Variants in B4GALT7 observed in about 807,000 individuals in gnomAD.
The protein encoded by B4GALT7 is UDP-Gal:beta-GlcNAc beta-1,4-galactosyltransferase 7.
In B4GALT7, 30 loss-of-function variants were observed where a neutral mutation model predicts 33.0. The observed-to-expected ratio is 0.91, with a 90% CI of 0.68 to 1.23. B4GALT7 has a LOEUF of 1.23. Ranked by LOEUF, B4GALT7 falls within the 50% of genes most tolerant of loss-of-function variation. B4GALT7 has a pLI of 0.00. For synonymous variants in B4GALT7, 213 were observed against 187.2 expected (o/e 1.14, Z -1.13); for missense variants, 507 against 450.8 (o/e 1.12, Z -1.13).
chr5:177,604,193 C>G lies in B4GALT7; in HGVS notation c.65C>G (p.Ser22Cys), dbSNP rs1257503347. 1.9e-6 allele frequency: 3 copies of G among 1,613,564 alleles called. No homozygotes were observed. Among genetic ancestry groups the G allele is most frequent in the Non-Finnish European group, 1.7e-6 (2 of 1,179,946 alleles). ...PWEDGRSGLL[S>C]GGLPRKCSVF... is the part of the protein sequence containing the mutation. ...GCTTGCTCCAGGTCCGGGTTGCTCTCCGGCGGCCTCCCTCGGAAGTGTTCC... is the reference window on the plus strand; with the variant it reads ...GCTTGCTCCAGGTCCGGGTTGCTCTGCGGCGGCCTCCCTCGGAAGTGTTCC... The change falls in exon 2 of 6, where the codon TCC becomes TGC. Residue 22 changes from serine (S) to cysteine (C), a missense_variant. Ser to Cys is a moderately radical substitution (Grantham distance 112). Transcript: ENST00000029410.
chr5:177,603,296 C>T, intron 1 of B4GALT7: 2 of 985,350 alleles, frequency 2.0e-6, no homozygotes, highest in Non-Finnish European at 2.4e-6. Flanking sequence ...GAAGCTTCTC[C>T]CTTCATGGAT....
Position 177,604,256 on chromosome 5 carries a change from T to G in B4GALT7, c.128T>G (p.Phe43Cys), listed in dbSNP as rs370483831. The G allele has an allele frequency of 2.5e-5, 40 of 1,613,558 alleles. 1 individual carries two copies. The highest frequency in any genetic ancestry group is 8.3e-5 in the Admixed American group (5 of 59,970). Residue 43 changes from phenylalanine to cysteine, a missense_variant, in exon 2 of 6, where the codon TTC (phenylalanine) becomes TGC (cysteine). By Grantham distance (205) the Phe-to-Cys change is radical. Coordinates refer to ENST00000029410, the MANE Select transcript of B4GALT7 (RefSeq NM_007255.3). ...TTCGTGGCCTGCCTCTCGCTGGGCT[T>G]CTTCTCCCTACTCTGGCTGCAGCTC... Reference protein sequence around the residue: ...HLFVACLSLGFFSLLWLQLSC... With the variant: ...HLFVACLSLGCFSLLWLQLSC...
rs1768033604 is a variant in B4GALT7 at position 177,606,993 on chromosome 5, C to T, written c.414-309C>T. The T allele has an allele frequency of 2.4e-5, 11 of 449,774 alleles. No homozygotes were observed. Among genetic ancestry groups the T allele is most frequent in the South Asian group, 2.3e-4 (11 of 47,504 alleles). The allele number at this position is 449,774 out of a possible 1,614,324, so 27.9% of individuals were successfully genotyped here. A position where few individuals can be genotyped will look rare whatever the true frequency, so the allele number is the denominator to read the frequency against. The stretch of plus-strand genomic sequence containing the variant: ...GCCCTCCTTGCCTGCTTTGCTTTTC[C>T]CCCCAGCACGAACCACTGCTGGCCA... On this transcript the variant is annotated intron_variant, in intron 2 of 5. Transcript: ENST00000029410. This position sits in a 1 kb window ranked among gnomAD's most constrained non-coding sequence, Gnocchi z 4.2.
At chr5:177,607,640 C>A in intron 3 of B4GALT7, 113 bp downstream of exon 3, 1 of 1,068,774 alleles carries the variant, frequency 9.4e-7, no homozygotes, top group Non-Finnish European at 1.4e-6. Context: ...CCTGCCCTGG[C>A]CTAGCAGGAG....
At chr5:177,603,255 A>T in intron 1 of B4GALT7, 1 of 985,354 alleles carries the variant, frequency 1.0e-6, no homozygotes, top group Non-Finnish European at 1.2e-6. Flanking sequence ...TTTGCAGATT[A>T]CTTTGGGGAG....
Position 177,603,095 on chromosome 5 carries a change from C to T in B4GALT7, c.51-1084C>T, listed in dbSNP as rs528412866. On this transcript the variant is annotated intron_variant, in intron 1 of 5. Coordinates refer to ENST00000029410, the MANE Select transcript of B4GALT7 (RefSeq NM_007255.3). ...ATGGGGTGTTACCATATTTGCCAGG[C>T]TGGTCTTGAGCTCCTGACCTCGTGA... is the stretch of plus-strand genomic sequence containing the variant. The T allele has an allele frequency of 2.3e-5, 12 of 526,440 alleles. No individual in the cohort carries two copies. The African/African-American group carries it at 2.3e-4, about 10-fold the overall frequency. 32.6% of individuals were successfully genotyped at this position (526,440 alleles called of 1,614,324 possible). A position where few individuals can be genotyped will look rare whatever the true frequency, so the allele number is the denominator to read the frequency against.
rs1768139485 is a variant in B4GALT7, at chr5:177,610,155, A to G, written c.*460A>G. 5.0e-6 allele frequency: 1 copy of G among 201,858 alleles called. No homozygotes were observed. The highest frequency in any genetic ancestry group is 1.0e-5 in the Non-Finnish European group (1 of 97,422). 12.5% of individuals were successfully genotyped at this position (201,858 alleles called of 1,614,324 possible). ...GTTAGGACTTCAGAAACCAGAGCAC[A>G]AGCCCCACAGAGGGGGAACAGCCAG... On this transcript the variant is annotated 3_prime_UTR_variant, in exon 6 of 6. Transcript: ENST00000029410.
rs1242525303 is a variant in B4GALT7 at position 177,608,061 on chromosome 5, T to C, written c.640-478T>C. 2 of 233,868 alleles carry C rather than the reference T, an allele frequency of 8.6e-6. No homozygotes were observed. Among genetic ancestry groups the C allele is most frequent in the Non-Finnish European group, 1.7e-5 (2 of 116,888 alleles). 14.5% of individuals were successfully genotyped at this position (233,868 alleles called of 1,614,324 possible). A position where few individuals can be genotyped will look rare whatever the true frequency, so the allele number is the denominator to read the frequency against. ...TGGACGGGCAGGCAGGAAGAAGCAC[T>C]TGTGGCTCAGGCCTGGGTGTCCTCC... On this transcript the variant is annotated intron_variant, in intron 3 of 5. Transcript: ENST00000029410. The surrounding 1 kb of genome is among the most constrained non-coding windows in gnomAD (Gnocchi z 4.1).
In B4GALT7 at chr5:177,607,489, G is replaced by A. The variant is rs935389752; in HGVS notation, c.601G>A (p.Gly201Ser). The A allele has an allele frequency of 8.1e-6, 13 of 1,613,250 alleles. No homozygotes were observed. Among genetic ancestry groups the A allele is most frequent in the South Asian group, 2.2e-5 (2 of 91,090 alleles). ...TCTCTACCACTACAAGACCTATGTCGGCGGCATCCTGCTGCTCTCCAAGCA... is the reference window on the plus strand; with the variant it reads ...TCTCTACCACTACAAGACCTATGTCAGCGGCATCCTGCTGCTCTCCAAGCA... ...HPLYHYKTYV[G>S]GILLLSKQHY... is the part of the protein sequence containing the mutation. Residue 201 changes from glycine to serine, a missense_variant, in exon 3 of 6, where the codon GGC (glycine) becomes AGC (serine). By Grantham distance (56) the Gly-to-Ser change is moderately conservative. Coordinates refer to ENST00000029410, the MANE Select transcript of B4GALT7 (RefSeq NM_007255.3).
chr5:177,609,044 A>G, intron 5 of B4GALT7, 30 bp downstream of exon 5: 1 of 1,571,976 alleles, frequency 6.4e-7, no homozygotes. Context: ...TTGGGGACAG[A>G]TAGGTGGTCA....
At chr5:177,604,657 T>G in intron 2 of B4GALT7, 116 bp downstream of exon 2, 2 of 1,373,212 alleles carry the variant, frequency 1.5e-6, no homozygotes, top group Non-Finnish European at 1.0e-6. Flanking sequence ...CAGACCCCTC[T>G]CACTGGGTGT....
In B4GALT7 at chr5:177,608,107, C is replaced by T. The variant is rs1284803033; in HGVS notation, c.640-432C>T. 1 of 240,346 alleles carries T rather than the reference C, an allele frequency of 4.2e-6. No individual in the cohort carries two copies. The highest frequency in any genetic ancestry group is 2.3e-5 in the African/African-American group (1 of 43,802). 14.9% of individuals were successfully genotyped at this position (240,346 alleles called of 1,614,324 possible). A position where few individuals can be genotyped will look rare whatever the true frequency, so the allele number is the denominator to read the frequency against. On this transcript the variant is annotated intron_variant, in intron 3 of 5. Coordinates refer to ENST00000029410, the MANE Select transcript of B4GALT7 (RefSeq NM_007255.3). This position sits in a 1 kb window ranked among gnomAD's most constrained non-coding sequence, Gnocchi z 4.1. ...CCTCCTCTCCAGGCCATGGCAGGGG[C>T]CAGCTTTATGTAAATGAAGCCCCTG...
rs191470288 is a variant in B4GALT7, at chr5:177,606,933, C to T, written c.414-369C>T. On this transcript the variant is annotated intron_variant, in intron 2 of 5. Coordinates refer to ENST00000029410, the MANE Select transcript of B4GALT7 (RefSeq NM_007255.3). The surrounding 1 kb of genome is among the most constrained non-coding windows in gnomAD (Gnocchi z 4.2). ...CCCTGGCCCTCCCTGACGGCCCCAC[C>T]GAGGACAAGAGCCACCTCCACCCCC... 132 of 373,420 alleles carry T rather than the reference C, an allele frequency of 3.5e-4. No homozygotes were observed. The highest frequency in any genetic ancestry group is 2.3e-3 in the African/African-American group (110 of 47,750). 23.1% of individuals were successfully genotyped at this position (373,420 alleles called of 1,614,324 possible).
At chr5:177,601,537 T>A (rs537852497) in intron 1 of B4GALT7, 2 of 152,372 alleles carry the variant, frequency 1.3e-5, no homozygotes, top group East Asian at 1.9e-4. Flanking sequence ...CCTGATCCTT[T>A]TCCATAGCTG....
intron 1 of B4GALT7, chr5:177,603,351 G>A (rs926623866): frequency 6.1e-6 from 6 of 985,296 alleles, no homozygotes; most frequent in African/African-American, 3.5e-5. Flanking sequence ...CCAGAGGAGC[G>A]GCAAAGGAAT....
chr5:177,607,263 C>A (rs557322630), intron 2 of B4GALT7, 39 bp from the exon 3 acceptor site: 31 of 1,546,174 alleles, frequency 2.0e-5, no homozygotes, highest in Non-Finnish European at 2.6e-5. Flanking sequence ...GCAGTGAGCC[C>A]GTGTGCTGCC....
In B4GALT7 at chr5:177,600,274, G is replaced by A. The variant is rs1767809097; in HGVS notation, c.50+14G>A. ...GGAGGACGGCAGGTGAGCGGCGGCGGTGGGCCCGGGCCCCGTCCTCCCGGG... is the reference window on the plus strand; with the variant it reads ...GGAGGACGGCAGGTGAGCGGCGGCGATGGGCCCGGGCCCCGTCCTCCCGGG... On this transcript the variant is annotated intron_variant, in intron 1 of 5. Transcript: ENST00000029410. This position sits in a 1 kb window ranked among gnomAD's most constrained non-coding sequence, Gnocchi z 4.4. 7.5e-7 allele frequency: 1 copy of A among 1,329,094 alleles called. No homozygotes were observed. The highest frequency in any genetic ancestry group is 9.7e-7 in the Non-Finnish European group (1 of 1,035,148). 82.3% of individuals were successfully genotyped at this position (1,329,094 alleles called of 1,614,324 possible).
chr5:177,608,964 G>T lies in B4GALT7; in HGVS notation c.778G>T (p.Asp260Tyr). The change falls in exon 5 of 6, where the codon GAC (aspartate) becomes TAC (tyrosine). Residue 260 changes from aspartate (D) to tyrosine (Y), a missense_variant. By Grantham distance (160) the Asp-to-Tyr change is radical. Transcript: ENST00000029410. This position sits in a 1 kb window ranked among gnomAD's most constrained non-coding sequence, Gnocchi z 4.1. ...TGYKTFRHLH[D>Y]PAWRKRDQKR... ...GTACAAGACATTTCGCCACCTGCAT[G>T]ACCCAGCCTGGCGGAAGAGGGACCA... 1.9e-6 allele frequency: 3 copies of T among 1,613,316 alleles called. No homozygotes were observed. The highest frequency in any genetic ancestry group is 2.2e-5 in the South Asian group (2 of 91,046).
In B4GALT7 at chr5:177,600,902, C is replaced by T. The variant is rs557610555; in HGVS notation, c.50+642C>T. ...TACACGCATTAGTCCATTTCCTGTG[C>T]AGCTGTATTGGCCCTACGTGAAAGA... On this transcript the variant is annotated intron_variant, in intron 1 of 5. Transcript: ENST00000029410. The surrounding 1 kb of genome is among the most constrained non-coding windows in gnomAD (Gnocchi z 4.4). 2.0e-5 allele frequency among the ~76,000 whole-genome samples: 3 copies of T among 152,214 alleles called. No homozygotes were observed. In the South Asian group the frequency reaches 6.2e-4, roughly 32 times the overall value.
Sources: allele counts gnomAD v4.1 joint callset (sites outside exome capture counted in the v4.1 genomes callset), GRCh38; gene constraint gnomAD v4.1.1; non-coding constraint Gnocchi (gnomAD v3.1); transcripts MANE v1.5; gene names NCBI Gene and HGNC (gene_info 2026-07-23, HGNC 2026-07-21).